Variants in FBXL13 observed in about 807,000 individuals in gnomAD.
The protein encoded by FBXL13 is F-box and leucine rich repeat protein 13.
FBXL13 carries 67 observed loss-of-function variants against 83.6 expected under a neutral mutation model. The observed-to-expected ratio is 0.80, with a 90% confidence interval of 0.66 to 0.98. The LOEUF (loss-of-function observed/expected upper bound fraction) is 0.98. Among genes scored for constraint, FBXL13 ranks in the 50% least tolerant of loss-of-function variants. The pLI is 0.00. For missense variants in FBXL13, 822 were observed against 866.5 expected (o/e 0.95, Z 0.64); for synonymous variants, 272 against 299.5 (o/e 0.91, Z 0.95).
Position 102,938,846 on chromosome 7 carries a change from T to C in FBXL13, c.725-6913A>G, listed in dbSNP as rs555111421. On this transcript the variant is annotated intron_variant, in intron 8 of 19. Coordinates refer to ENST00000313221, the Ensembl canonical transcript of FBXL13. Reference sequence around the variant, plus strand: ...AAGCCACACTAGGAAAGCCTTTGTTTTGCATTTCCTGGTATTACTTGTGGA... The same window carrying C: ...AAGCCACACTAGGAAAGCCTTTGTTCTGCATTTCCTGGTATTACTTGTGGA... 1.2e-4 allele frequency among the ~76,000 whole-genome samples: 18 copies of C among 152,358 alleles called. No homozygotes were observed. In the South Asian group the frequency reaches 3.7e-3, roughly 32 times the overall value.
intron 6 of FBXL13, among the ~76,000 whole-genome samples, chr7:102,983,245 G>A (rs1415932041): frequency 6.6e-6 from 1 of 152,070 alleles, no homozygotes; most frequent in African/African-American, 2.4e-5. Context: ...TTCTGAGGTG[G>A]AGAAGCCACT....
intron 7 of FBXL13, 109 bp downstream of exon 8, chr7:102,967,913 G>T (rs1228569352): frequency 3.0e-6 from 2 of 675,566 alleles, no homozygotes; most frequent in Non-Finnish European, 4.9e-6. Context: ...ACTTGCTGCT[G>T]GTGACCACAG....
rs774889611 is a variant in FBXL13, at chr7:102,944,501, C to T, written c.725-12568G>A. On this transcript the variant is annotated intron_variant, in intron 8 of 19. Transcript: ENST00000313221. ...GAATGCCCCAAAGACAAGTTACCAG[C>T]ATATCCTGAGTCATTTGACCAAGAC... 1.1e-5 allele frequency: 17 copies of T among 1,613,786 alleles called. No homozygotes were observed. The South Asian group carries it at 1.5e-4, about 15-fold the overall frequency.
chr7:103,060,529 T>C (rs1797803589), intron 1 of FBXL13, among the ~76,000 whole-genome samples: 1 of 152,122 alleles, frequency 6.6e-6, no homozygotes, highest in South Asian at 2.1e-4. Flanking sequence ...TAGAAGATGT[T>C]AGGACAAAAG....
chr7:102,951,631 G>C (rs1186357848), intron 8 of FBXL13, among the ~76,000 whole-genome samples: 1 of 151,486 alleles, frequency 6.6e-6, no homozygotes, highest in Non-Finnish European at 1.5e-5. Context: ...AACATAGTCA[G>C]AGCCCGTCTC....
At chr7:103,039,756 C>A (rs1328039168) in intron 2 of FBXL13, among the ~76,000 whole-genome samples, 2 of 152,078 alleles carry the variant, frequency 1.3e-5, no homozygotes, top group African/African-American at 4.8e-5. Flanking sequence ...AAATAAAATC[C>A]TTTACAGACA....
At chr7:102,987,763 T>C (rs1829139758) in intron 6 of FBXL13, among the ~76,000 whole-genome samples, 1 of 152,152 alleles carries the variant, frequency 6.6e-6, no homozygotes, top group African/African-American at 2.4e-5. Flanking sequence ...AATTCTAATT[T>C]GGATGACAAG....
intron 1 of FBXL13, among the ~76,000 whole-genome samples, chr7:103,059,102 AC>A (rs1797613669): frequency 6.6e-6 from 1 of 152,128 alleles, no homozygotes; most frequent in Non-Finnish European, 1.5e-5. Context: ...TCTAAAAAAT[AC>A]AAAAATTGTT....
At chr7:103,062,025 C>CAAAAAA (rs59881447) in intron 1 of FBXL13, among the ~76,000 whole-genome samples, 5 of 99,790 alleles carry the variant, frequency 5.0e-5, no homozygotes, top group Non-Finnish European at 9.4e-5. Flanking sequence ...TCATAATTAC[C>CAAAAAA]AAAAAAAAAA....
chr7:102,949,581 A>T (rs1237360252), intron 8 of FBXL13, among the ~76,000 whole-genome samples: 1 of 152,178 alleles, frequency 6.6e-6, no homozygotes, highest in Non-Finnish European at 1.5e-5. Flanking sequence ...CCAAGATAAG[A>T]CAGACATTAC....
Position 103,041,817 on chromosome 7 carries a change from A to G in FBXL13, c.1-12399T>C, listed in dbSNP as rs549269452. On this transcript the variant is annotated intron_variant, in intron 2 of 19. Coordinates refer to ENST00000313221, the Ensembl canonical transcript of FBXL13. ...TCAATAAACTAGGTATTGATGGAAC[A>G]TATCTCAAAATAATAAGAGCTATTT... Among the ~76,000 whole-genome samples the G allele has an allele frequency of 3.3e-5, 5 of 152,308 alleles. No individual in the cohort carries two copies. The South Asian group carries it at 1.0e-3, about 32-fold the overall frequency.
chr7:102,919,797 C>T (rs1211348183), intron 10 of FBXL13, among the ~76,000 whole-genome samples: 3 of 152,168 alleles, frequency 2.0e-5, no homozygotes, highest in Admixed American at 2.0e-4. Flanking sequence ...AACTATCTGA[C>T]TCTCATGCAT....
chr7:103,060,650 A>G (rs533528157), intron 1 of FBXL13, among the ~76,000 whole-genome samples: 1 of 152,342 alleles, frequency 6.6e-6, no homozygotes, highest in East Asian at 1.9e-4. Flanking sequence ...CAAATGTAAG[A>G]CACTTAAGAG....
At chr7:103,040,241 T>C (rs2129491841) in intron 2 of FBXL13, among the ~76,000 whole-genome samples, 2 of 152,060 alleles carry the variant, frequency 1.3e-5, no homozygotes, top group South Asian at 4.2e-4. Flanking sequence ...CCACTACATA[T>C]TGGTAAAGGG....
chr7:102,965,701 T>A (rs556755539), intron 7 of FBXL13, among the ~76,000 whole-genome samples: 1 of 152,316 alleles, frequency 6.6e-6, no homozygotes, highest in Middle Eastern at 3.4e-3. Context: ...CAAAGAGACA[T>A]TGGGGAGAGG....
chr7:102,957,568 G>T (rs1255333129), intron 8 of FBXL13, among the ~76,000 whole-genome samples: 1 of 151,788 alleles, frequency 6.6e-6, no homozygotes, highest in Non-Finnish European at 1.5e-5. Flanking sequence ...TTCTGCACGG[G>T]AAAAAAACTG....
intron 18 of FBXL13, among the ~76,000 whole-genome samples, chr7:102,831,088 G>C (rs1247117941): frequency 6.6e-6 from 1 of 152,062 alleles, no homozygotes; most frequent in East Asian, 1.9e-4. Context: ...TTTCATCTTG[G>C]GCTAGTCAGG....
intron 1 of FBXL13, among the ~76,000 whole-genome samples, chr7:103,071,626 G>A (rs926896576): frequency 1.3e-4 from 19 of 149,412 alleles, no homozygotes; most frequent in Non-Finnish European, 1.5e-4. Context: ...TTGAACTCCT[G>A]GCAAGCAATC....
intron 6 of FBXL13, among the ~76,000 whole-genome samples, chr7:102,990,687 G>A (rs965106286): frequency 2.0e-5 from 3 of 152,178 alleles, no homozygotes; most frequent in Admixed American, 6.5e-5. Flanking sequence ...ATCAAAGGTA[G>A]CCTTTCTGGA....
Sources: gnomAD v4.1 joint callset for allele counts (sites outside exome capture counted in the v4.1 genomes callset) on GRCh38, gnomAD v4.1.1 for gene constraint, MANE v1.5 for transcripts, NCBI Gene and HGNC (gene_info 2026-07-23, HGNC 2026-07-21) for gene names.